The following E2F3 variants were observed in gnomAD, a reference collection of about 807,000 sequenced individuals.
E2F3 encodes the protein E2F transcription factor 3.
In E2F3, 11 loss-of-function variants were observed where a neutral mutation model predicts 44.4. That is an observed-to-expected ratio of 0.25 (90% CI 0.16 to 0.41). The LOEUF is 0.41. Among genes scored for constraint, E2F3 ranks in the 10% least tolerant of loss-of-function variants. The probability of loss-of-function intolerance (pLI) is 1.00; values close to 1 mark genes in which losing one functional copy is unlikely to be tolerated. For missense variants in E2F3, 487 were observed against 583.6 expected, an observed-to-expected ratio of 0.83 and a Z score of 1.70; for synonymous variants, 249 against 253.0, an observed-to-expected ratio of 0.98 and a Z score of 0.15.
chr6:20,442,388 TC>T (rs1332231526), intron 1 of E2F3, among the ~76,000 whole-genome samples: 1 of 152,238 alleles, frequency 6.6e-6, no homozygotes, highest in East Asian at 1.9e-4. Flanking sequence ...GAGAGGCTCC[TC>T]ACATGTCAGA....
rs539943794 is a variant in E2F3 at position 20,471,349 on chromosome 6, G to A, written c.394-8497G>A. 1.5e-4 allele frequency among the ~76,000 whole-genome samples: 23 copies of A among 152,298 alleles called. No individual in the cohort carries two copies. In the South Asian group the frequency reaches 2.9e-3, roughly 19 times the overall value. ...TGTAATGCCAGCACTTTGGGAGGCC[G>A]AAGCGGGTGCATCACCTGAGGTCAG... On this transcript the variant is annotated intron_variant, in intron 1 of 6. Coordinates refer to ENST00000346618, the MANE Select transcript of E2F3 (RefSeq NM_001949.5).
At chr6:20,481,908 T>C (rs1482549737) in intron 3 of E2F3, among the ~76,000 whole-genome samples, 2 of 152,126 alleles carry the variant, frequency 1.3e-5, no homozygotes, top group Non-Finnish European at 1.5e-5. Flanking sequence ...TCTGGGTAAA[T>C]TAAGGCAAGA....
intron 1 of E2F3, among the ~76,000 whole-genome samples, chr6:20,475,938 G>A (rs1488514204): frequency 6.6e-6 from 1 of 152,132 alleles, no homozygotes; most frequent in East Asian, 1.9e-4. Context: ...GTATCTTCCT[G>A]GCGGTCACAA....
At chr6:20,445,093 G>A (rs1045241159) in intron 1 of E2F3, 1 of 985,302 alleles carries the variant, frequency 1.0e-6, no homozygotes, top group African/African-American at 1.7e-5. Context: ...AGTCGGGCTG[G>A]AGAGTCGAGA....
intron 1 of E2F3, among the ~76,000 whole-genome samples, chr6:20,415,809 T>C (rs1361703607): frequency 6.6e-6 from 1 of 152,206 alleles, no homozygotes; most frequent in Non-Finnish European, 1.5e-5. Flanking sequence ...GTCTTTTTTA[T>C]GATGAGGCAT....
At chr6:20,449,507 TC>T (rs1384892484) in intron 1 of E2F3, among the ~76,000 whole-genome samples, 6 of 152,222 alleles carry the variant, frequency 3.9e-5, no homozygotes, top group African/African-American at 1.4e-4. Flanking sequence ...ACCTTGTATA[TC>T]ACTTCATACA....
chr6:20,488,020 A>C, intron 5 of E2F3, 93 bp from the exon 6 acceptor site: 1 of 1,558,154 alleles, frequency 6.4e-7, no homozygotes, highest in Non-Finnish European at 8.8e-7. Context: ...AAAAACGAAC[A>C]TTGTTCTTAC....
At chr6:20,445,212 G>A (rs955367175) in intron 1 of E2F3, 4 of 909,072 alleles carry the variant, frequency 4.4e-6, no homozygotes, top group Admixed American at 6.2e-5. Flanking sequence ...AGGATGACAA[G>A]GCATTGAGAA....
At chr6:20,454,441 C>G (rs1166609849) in intron 1 of E2F3, among the ~76,000 whole-genome samples, 1 of 152,184 alleles carries the variant, frequency 6.6e-6, no homozygotes, top group Non-Finnish European at 1.5e-5. Flanking sequence ...AGACTCACAG[C>G]AGGAAGTGAT....
At chr6:20,418,123 C>T (rs1759907040) in intron 1 of E2F3, among the ~76,000 whole-genome samples, 1 of 152,162 alleles carries the variant, frequency 6.6e-6, no homozygotes, top group Admixed American at 6.6e-5. Context: ...AAACAACAGC[C>T]ACCTCTGGAG....
chr6:20,452,127 T>G (rs1761151956), intron 1 of E2F3, among the ~76,000 whole-genome samples: 1 of 152,214 alleles, frequency 6.6e-6, no homozygotes, highest in Admixed American at 6.5e-5. Context: ...GTGGGAATGG[T>G]ACCAGCTCTT....
intron 1 of E2F3, among the ~76,000 whole-genome samples, chr6:20,475,893 G>A (rs900172046): frequency 3.9e-5 from 6 of 152,074 alleles, no homozygotes; most frequent in Admixed American, 6.6e-5. Flanking sequence ...TCTTTGAGGC[G>A]GGCCAGCCTC....
At position 20,409,819 on chromosome 6, in the gene E2F3, A is replaced by C. The variant is rs1759609427; in HGVS notation, c.393+7194A>C. On this transcript the variant is annotated intron_variant, in intron 1 of 6. Coordinates refer to ENST00000346618, the MANE Select transcript of E2F3 (RefSeq NM_001949.5). ...ACATAATCTAACGTGGCTGTAGTGC[A>C]CTGACTCGTTAGGGGCAGCGATATA... Among the ~76,000 whole-genome samples the C allele has an allele frequency of 3.3e-5, 5 of 152,360 alleles. No individual in the cohort carries two copies. In the South Asian group the frequency reaches 1.0e-3, roughly 32 times the overall value.
At chr6:20,463,912 A>G (rs1761614311) in intron 1 of E2F3, among the ~76,000 whole-genome samples, 1 of 152,192 alleles carries the variant, frequency 6.6e-6, no homozygotes, top group Non-Finnish European at 1.5e-5. Context: ...GAATAGCTAT[A>G]AATTGGGGTT....
chr6:20,425,283 G>C (rs1437980870), intron 1 of E2F3, among the ~76,000 whole-genome samples: 1 of 152,006 alleles, frequency 6.6e-6, no homozygotes, highest in Admixed American at 6.6e-5. Flanking sequence ...TCTAGAGTTG[G>C]GTCTGTGGTT....
chr6:20,470,938 C>T (rs939321147), intron 1 of E2F3, among the ~76,000 whole-genome samples: 1 of 152,166 alleles, frequency 6.6e-6, no homozygotes, highest in Non-Finnish European at 1.5e-5. Context: ...AAATAAGCCA[C>T]CAGATTTCTG....
At chr6:20,470,204 C>T (rs987975753) in intron 1 of E2F3, among the ~76,000 whole-genome samples, 4 of 152,206 alleles carry the variant, frequency 2.6e-5, no homozygotes, top group Admixed American at 6.5e-5. Flanking sequence ...CTTCTCCATG[C>T]ACCCCTCTTC....
intron 1 of E2F3, among the ~76,000 whole-genome samples, chr6:20,433,774 C>T (rs1378737598): frequency 6.6e-6 from 1 of 152,068 alleles, no homozygotes; most frequent in Non-Finnish European, 1.5e-5. Context: ...TAAAAAAGCA[C>T]TAGCCTGAGA....
rs1222618776 is a variant in E2F3, at chr6:20,491,948, A to T, written c.*1518A>T. ...AATGGCTTTCCCTCGGGCAGGTGGC[A>T]GCGGCCATCTCCCACTGGGAATATG... On this transcript the variant is annotated 3_prime_UTR_variant, in exon 7 of 7. Coordinates refer to ENST00000346618, the MANE Select transcript of E2F3 (RefSeq NM_001949.5). The T allele has an allele frequency of 5.4e-6, 1 of 183,934 alleles. No individual in the cohort carries two copies. The highest frequency in any genetic ancestry group is 2.4e-5 in the African/African-American group (1 of 42,550). The allele number at this position is 183,934 out of a possible 1,614,324, so 11.4% of individuals were successfully genotyped here. A position where few individuals can be genotyped will look rare whatever the true frequency, so the allele number is the denominator to read the frequency against.
Sources: allele counts gnomAD v4.1 joint callset (sites outside exome capture counted in the v4.1 genomes callset), GRCh38; gene constraint gnomAD v4.1.1; transcripts MANE v1.5; gene names NCBI Gene and HGNC (gene_info 2026-07-23, HGNC 2026-07-21).